Variants in DHRS7B observed in about 807,000 individuals in gnomAD.
DHRS7B encodes dehydrogenase/reductase 7B, also known as peroxisomal reductase activating PPAR-gamma.
A neutral mutation model predicts 26.4 loss-of-function variants in DHRS7B; 24 were observed. That is an observed-to-expected ratio of 0.91 (90% CI 0.66 to 1.28). The LOEUF (loss-of-function observed/expected upper bound fraction) is 1.28. Among genes scored for constraint, DHRS7B ranks in the 50% most tolerant of loss-of-function variants. The pLI is 0.00. For synonymous variants in DHRS7B, 142 were observed against 166.4 expected, an observed-to-expected ratio of 0.85 and a Z score of 1.13; for missense variants, 368 against 419.4, an observed-to-expected ratio of 0.88 and a Z score of 1.07.
chr17:21,152,264 C>T (rs1183757983), intron 1 of DHRS7B, among the ~76,000 whole-genome samples: 1 of 151,326 alleles, frequency 6.6e-6, no homozygotes, highest in East Asian at 1.9e-4. Flanking sequence ...AAGTGATCCT[C>T]CTGCCTCAGC....
chr17:21,161,663 A>G (rs1409439399), intron 1 of DHRS7B, among the ~76,000 whole-genome samples: 2 of 152,218 alleles, frequency 1.3e-5, no homozygotes, highest in African/African-American at 4.8e-5. Flanking sequence ...AAAGTGGGAA[A>G]TCTAACAGTG....
intron 1 of DHRS7B, among the ~76,000 whole-genome samples, chr17:21,137,331 C>T (rs1307802468): frequency 3.6e-5 from 5 of 140,422 alleles, no homozygotes; most frequent in African/African-American, 1.3e-4. Context: ...GAGTCTTGCT[C>T]TGTCACCCAG....
intron 1 of DHRS7B, among the ~76,000 whole-genome samples, chr17:21,162,611 G>A (rs940612364): frequency 1.3e-5 from 2 of 152,190 alleles, no homozygotes; most frequent in Non-Finnish European, 2.9e-5. Flanking sequence ...GTGATGTTTT[G>A]TGAGATGCTA....
At chr17:21,127,174 G>C in intron 1 of DHRS7B, 183 bp downstream of exon 1, 2 of 599,726 alleles carry the variant, frequency 3.3e-6, no homozygotes, top group Non-Finnish European at 5.3e-6. Flanking sequence ...CAGGCGCTGG[G>C]ACCAGAGCCC....
At chr17:21,141,640 A>AAAAAAAAAGG in intron 1 of DHRS7B, among the ~76,000 whole-genome samples, 4 of 90,080 alleles carry the variant, frequency 4.4e-5, no homozygotes, top group Non-Finnish European at 8.2e-5. Context: ...AAAAAAAAAA[A>AAAAAAAAAGG]CAACCTCATC....
At chr17:21,168,357 G>A (rs995326339) in intron 1 of DHRS7B, among the ~76,000 whole-genome samples, 2 of 152,096 alleles carry the variant, frequency 1.3e-5, no homozygotes, top group African/African-American at 4.8e-5. Flanking sequence ...GGGGAGAGTT[G>A]GCACTGGATT....
intron 1 of DHRS7B, among the ~76,000 whole-genome samples, chr17:21,139,994 CT>C (rs1455711977): frequency 2.9e-5 from 4 of 140,288 alleles, no homozygotes; most frequent in Non-Finnish European, 6.2e-5. Flanking sequence ...TCATAGAAAC[CT>C]TTTTTTTCCT....
intron 1 of DHRS7B, chr17:21,166,171 C>A (rs1203416886): frequency 2.0e-6 from 2 of 985,382 alleles, no homozygotes; most frequent in Non-Finnish European, 2.4e-6. Flanking sequence ...TGGCATCTTA[C>A]TGGAGAGCAG....
At chr17:21,170,681 C>A (rs1974220206) in intron 1 of DHRS7B, among the ~76,000 whole-genome samples, 1 of 152,100 alleles carries the variant, frequency 6.6e-6, no homozygotes, top group Non-Finnish European at 1.5e-5. Context: ...GTTGACAGTT[C>A]CGTTGCAGTA....
chr17:21,177,861 T>C (rs977896041), intron 2 of DHRS7B, among the ~76,000 whole-genome samples: 2 of 152,212 alleles, frequency 1.3e-5, no homozygotes, highest in African/African-American at 4.8e-5. Context: ...AGCACCATAA[T>C]AGCTGGCCCT....
At chr17:21,131,324 T>A (rs1357556219) in intron 1 of DHRS7B, among the ~76,000 whole-genome samples, 1 of 152,216 alleles carries the variant, frequency 6.6e-6, no homozygotes, top group African/African-American at 2.4e-5. Context: ...AGGAAAGGGG[T>A]GGGTAATTCC....
At position 21,171,049 on chromosome 17, in the gene DHRS7B, G is replaced by A. The variant is rs201642139; in HGVS notation, c.21-969G>A. ...AAACCACAGCCCTGGAGGTGGACTC[G>A]GGGGGGGCCTTTTGTCTCATAGACT... On this transcript the variant is annotated intron_variant, in intron 1 of 6. Coordinates refer to ENST00000395511, the MANE Select transcript of DHRS7B (RefSeq NM_015510.5). 9.5e-3 allele frequency among the ~76,000 whole-genome samples: 1,229 copies of A among 129,430 alleles called. 26 individuals are homozygous for A. Among genetic ancestry groups the A allele is most frequent in the African/African-American group, 0.043 (1,157 of 26,990 alleles). The allele number at this position is 129,430 out of a possible 152,430, so 84.9% of individuals were successfully genotyped here. A position where few individuals can be genotyped will look rare whatever the true frequency, so the allele number is the denominator to read the frequency against.
intron 1 of DHRS7B, among the ~76,000 whole-genome samples, chr17:21,142,673 C>A (rs988161180): frequency 6.6e-6 from 1 of 151,932 alleles, no homozygotes; most frequent in African/African-American, 2.4e-5. Flanking sequence ...CAAGCTCTCC[C>A]ACCCCCTCAC....
intron 1 of DHRS7B, chr17:21,168,779 C>T (rs1974170464): frequency 1.0e-6 from 1 of 985,378 alleles, no homozygotes; most frequent in Admixed American, 6.1e-5. Context: ...GGATGGATCC[C>T]ATTCACCCGG....
At chr17:21,178,634 G>A (rs1974442227) in intron 3 of DHRS7B, among the ~76,000 whole-genome samples, 1 of 151,618 alleles carries the variant, frequency 6.6e-6, no homozygotes, top group Admixed American at 6.6e-5. Flanking sequence ...TGGGAGTGGG[G>A]GATGGTGATA....
At position 21,191,089 on chromosome 17, in the gene DHRS7B, C is replaced by T; in HGVS notation, c.914C>T (p.Pro305Leu). ...SLAVYLRTLA[P>L]GLFFSLMASR... The stretch of plus-strand genomic sequence containing the variant: ...GCTGTTTATCTTCGAACTCTGGCTC[C>T]TGGGCTCTTCTTCAGCCTCATGGCC... The change falls in exon 7 of 7, where the codon CCT (proline) becomes CTT (leucine). Residue 305 changes from proline (P) to leucine (L), a missense_variant. Transcript: ENST00000395511. 1.2e-6 allele frequency: 2 copies of T among 1,614,168 alleles called. No homozygotes were observed. Among genetic ancestry groups the T allele is most frequent in the Non-Finnish European group, 1.7e-6 (2 of 1,180,052 alleles).
At chr17:21,144,187 AC>A (rs935635076) in intron 1 of DHRS7B, among the ~76,000 whole-genome samples, 6 of 152,056 alleles carry the variant, frequency 3.9e-5, no homozygotes, top group Admixed American at 2.0e-4. Flanking sequence ...ATTCCAGCAG[AC>A]TCCATTCAAC....
intron 2 of DHRS7B, among the ~76,000 whole-genome samples, chr17:21,176,346 A>G (rs1447232227): frequency 6.6e-6 from 1 of 151,936 alleles, no homozygotes; most frequent in Non-Finnish European, 1.5e-5. Context: ...CATGCCTGTA[A>G]TCTCAGCATT....
chr17:21,131,258 T>C (rs2143847507), intron 1 of DHRS7B, among the ~76,000 whole-genome samples: 1 of 152,370 alleles, frequency 6.6e-6, no homozygotes, highest in African/African-American at 2.4e-5. Flanking sequence ...TGGCCACTTT[T>C]ATGGTCATTT....
Sources: allele counts gnomAD v4.1 joint callset (sites outside exome capture counted in the v4.1 genomes callset), GRCh38; gene constraint gnomAD v4.1.1; transcripts MANE v1.5; gene names NCBI Gene and HGNC (gene_info 2026-07-23, HGNC 2026-07-21).